The following LRMDA variants were observed in gnomAD, a reference collection of about 807,000 sequenced individuals.
The protein encoded by LRMDA is leucine-rich melanocyte differentiation-associated protein.
In LRMDA, 18 loss-of-function variants were observed where a neutral mutation model predicts 29.8. That is an observed-to-expected ratio of 0.60 (90% CI 0.42 to 0.90). LRMDA has a LOEUF of 0.90. Ranked by LOEUF, LRMDA falls within the 40% of genes least tolerant of loss-of-function variation. LRMDA has a pLI of 0.00. For synonymous variants in LRMDA, 125 were observed against 109.4 expected (o/e 1.14, Z -0.89); for missense variants, 273 against 273.9 (o/e 1.00, Z 0.02).
chr10:76,464,170 C>T (rs1277681399), intron 6 of LRMDA, among the ~76,000 whole-genome samples: 4 of 152,050 alleles, frequency 2.6e-5, no homozygotes, highest in Admixed American at 2.6e-4. Flanking sequence ...CCGCCCGCCT[C>T]GGCCTCCCAA....
intron 2 of LRMDA, among the ~76,000 whole-genome samples, chr10:75,823,631 G>A (rs1844199363): frequency 1.3e-5 from 2 of 151,900 alleles, no homozygotes; most frequent in South Asian, 2.1e-4. Flanking sequence ...GTATCTACCC[G>A]AAAGCTATAC....
chr10:75,787,336 A>G (rs542921787), intron 2 of LRMDA, among the ~76,000 whole-genome samples: 14 of 152,300 alleles, frequency 9.2e-5, no homozygotes, highest in African/African-American at 3.4e-4. Context: ...GCCTGGCGGC[A>G]TAGCCTGTGC....
rs569009037 is a variant in LRMDA at position 76,390,585 on chromosome 10, AGC to A, written c.601+66101_601+66102del. 1.2e-4 allele frequency among the ~76,000 whole-genome samples: 19 copies of A among 152,118 alleles called. No individual in the cohort carries two copies. The South Asian group carries it at 3.9e-3, about 32-fold the overall frequency. The stretch of plus-strand genomic sequence containing the variant: ...GTATTCAGTCAGTATGTACCTGTGT[AGC>A]CATTCTGGCTGAAATACTTCCATGG... On this transcript the variant is annotated intron_variant, in intron 6 of 6. Coordinates refer to ENST00000611255, the MANE Select transcript of LRMDA (RefSeq NM_001305581.2).
At chr10:75,928,486 C>T (rs913555515) in intron 2 of LRMDA, among the ~76,000 whole-genome samples, 3 of 152,058 alleles carry the variant, frequency 2.0e-5, no homozygotes, top group South Asian at 2.1e-4. Flanking sequence ...CCTTTATTAC[C>T]TCAGCAGTAT....
chr10:75,775,925 C>T (rs1175421573), intron 2 of LRMDA, among the ~76,000 whole-genome samples: 1 of 152,080 alleles, frequency 6.6e-6, no homozygotes, highest in Non-Finnish European at 1.5e-5. Flanking sequence ...GTAGAGAGCA[C>T]ACTCCTCTGT....
intron 2 of LRMDA, among the ~76,000 whole-genome samples, chr10:75,877,889 G>C (rs1845226592): frequency 6.6e-6 from 1 of 152,220 alleles, no homozygotes; most frequent in Non-Finnish European, 1.5e-5. Flanking sequence ...ACCTTTCTCG[G>C]GGATGACACA....
chr10:76,299,597 TC>T (rs1288558571), intron 5 of LRMDA, among the ~76,000 whole-genome samples: 2 of 112,592 alleles, frequency 1.8e-5, no homozygotes. Flanking sequence ...CCACCCCCCT[TC>T]CTTTCTTTTT....
rs138964289 is a variant in LRMDA, at chr10:76,178,286, TGATGAG to T, written c.516+119506_516+119511del. ...ACTTTATGGTAGACCAGGCCAACCATGATGAGGACTACCTGGCCAGCTCAGAAAGGC... is the reference window on the plus strand; with the variant it reads ...ACTTTATGGTAGACCAGGCCAACCATGACTACCTGGCCAGCTCAGAAAGGC... On this transcript the variant is annotated intron_variant, in intron 5 of 6. Transcript: ENST00000611255. Among the ~76,000 whole-genome samples the T allele has an allele frequency of 6.4e-3, 971 of 152,286 alleles. 10 individuals are homozygous for T. The highest frequency in any genetic ancestry group is 0.022 in the African/African-American group (895 of 41,550).
intron 2 of LRMDA, among the ~76,000 whole-genome samples, chr10:75,535,852 TG>T (rs948236875): frequency 2.3e-4 from 35 of 152,258 alleles, no homozygotes; most frequent in African/African-American, 8.2e-4. Flanking sequence ...GAGGAGGCAG[TG>T]TGGTCTACTG....
intron 2 of LRMDA, among the ~76,000 whole-genome samples, chr10:75,975,795 C>A (rs931851701): frequency 3.9e-5 from 6 of 152,190 alleles, no homozygotes; most frequent in African/African-American, 1.4e-4. Flanking sequence ...TCCCAGGCCT[C>A]TCCAAAATCA....
In LRMDA at chr10:75,586,970, A is replaced by G. The variant is rs138696005; in HGVS notation, c.131+148476A>G. ...TGATTTCTTTGCTGTGCAGAAGTGT[A>G]TTAGTCTGATGCAGTCCCACTTGTT... On this transcript the variant is annotated intron_variant, in intron 2 of 6. Coordinates refer to ENST00000611255, the MANE Select transcript of LRMDA (RefSeq NM_001305581.2). Among the ~76,000 whole-genome samples, 266 of 152,212 alleles carry G rather than the reference A, an allele frequency of 1.7e-3. 1 individual carries two copies. Among genetic ancestry groups the G allele is most frequent in the African/African-American group, 5.9e-3 (247 of 41,516 alleles).
At chr10:75,992,339 G>C (rs1847385516) in intron 2 of LRMDA, among the ~76,000 whole-genome samples, 1 of 152,120 alleles carries the variant, frequency 6.6e-6, no homozygotes, top group African/African-American at 2.4e-5. Context: ...AGGAAGCTGG[G>C]GTCAGTGGGT....
chr10:75,979,904 C>T (rs1847136341), intron 2 of LRMDA, among the ~76,000 whole-genome samples: 1 of 152,158 alleles, frequency 6.6e-6, no homozygotes, highest in African/African-American at 2.4e-5. Flanking sequence ...TAATATGTAG[C>T]CCTCTCTGGG....
chr10:76,030,470 G>T (rs942913113), intron 2 of LRMDA, among the ~76,000 whole-genome samples: 1 of 152,082 alleles, frequency 6.6e-6, no homozygotes, highest in African/African-American at 2.4e-5. Context: ...ATGGAAAAAA[G>T]AATATCTCTT....
At chr10:75,790,754 T>C (rs1843551922) in intron 2 of LRMDA, among the ~76,000 whole-genome samples, 1 of 152,210 alleles carries the variant, frequency 6.6e-6, no homozygotes, top group South Asian at 2.1e-4. Flanking sequence ...GGGCTGTTGA[T>C]AAACAAAGAG....
intron 2 of LRMDA, among the ~76,000 whole-genome samples, chr10:75,730,382 A>G (rs1001202372): frequency 1.3e-5 from 2 of 152,310 alleles, no homozygotes; most frequent in African/African-American, 2.4e-5. Flanking sequence ...CCTCTTCAGT[A>G]TGGTGACTGA....
chr10:76,035,285 C>A (rs1013189395), intron 2 of LRMDA, among the ~76,000 whole-genome samples: 1 of 151,960 alleles, frequency 6.6e-6, no homozygotes, highest in Non-Finnish European at 1.5e-5. Context: ...ACCCCCGTCT[C>A]CCCACCCGCA....
intron 6 of LRMDA, chr10:76,346,404 G>A (rs1416895014): frequency 7.2e-5 from 11 of 152,172 alleles, no homozygotes. Flanking sequence ...AATTGTTTCT[G>A]TGAAAACATC....
At chr10:76,018,831 G>T (rs1021552487) in intron 2 of LRMDA, among the ~76,000 whole-genome samples, 6 of 152,164 alleles carry the variant, frequency 3.9e-5, no homozygotes, top group Admixed American at 3.9e-4. Context: ...CTCGCAAATT[G>T]CTGGGATTAT....
Sources: allele counts gnomAD v4.1 joint callset (sites outside exome capture counted in the v4.1 genomes callset), GRCh38; gene constraint gnomAD v4.1.1; transcripts MANE v1.5; gene names NCBI Gene and HGNC (gene_info 2026-07-23, HGNC 2026-07-21).